The following SOS2 variants were observed in gnomAD, a reference collection of about 807,000 sequenced individuals.
The protein encoded by SOS2 is son of sevenless homolog 2.
A neutral mutation model predicts 148.2 loss-of-function variants in SOS2; 65 were observed. The observed-to-expected ratio is 0.44, with a 90% CI of 0.36 to 0.54. SOS2 has a LOEUF of 0.54. Ranked by LOEUF, SOS2 falls within the 20% of genes least tolerant of loss-of-function variation. SOS2 has a pLI of 0.00. For missense variants in SOS2, 1,341 were observed against 1,590.2 expected (o/e 0.84, Z 2.67); for synonymous variants, 539 against 537.1 (o/e 1.00, Z -0.05).
chr14:50,213,419 C>T (rs10142902), intron 1 of SOS2, among the ~76,000 whole-genome samples: 91,753 of 151,982 alleles, frequency 0.6, 28,516 homozygotes, highest in Non-Finnish European at 0.69. Context: ...ATTTATAGGC[C>T]GGGTGTGGTG....
intron 1 of SOS2, among the ~76,000 whole-genome samples, chr14:50,225,366 T>G (rs1887336909): frequency 6.6e-6 from 1 of 152,256 alleles, no homozygotes; most frequent in Non-Finnish European, 1.5e-5. Flanking sequence ...ATCAAATTAC[T>G]GTTCCCTTGA....
At position 50,150,089 on chromosome 14, in the gene SOS2, T is replaced by G; in HGVS notation, c.2303A>C (p.Gln768Pro). The G allele has an allele frequency of 1.2e-6, 2 of 1,614,016 alleles. No homozygotes were observed. Among genetic ancestry groups the G allele is most frequent in the South Asian group, 1.1e-5 (1 of 91,080 alleles). The stretch of plus-strand genomic sequence containing the variant: ...TGTCATGAGATCAAATGTTTCAAAC[T>G]GTCCTGGTTTGCTGATATGCCATTC... ...PIEWHISKPG[Q>P]FETFDLMTLH... The change falls in exon 14 of 23, where the codon CAG becomes CCG. Residue 768 changes from glutamine to proline, a missense_variant. By Grantham distance (76) the Gln-to-Pro change is moderately conservative. This residue lies in a region of SOS2 where 408 missense variants were observed against 506.6 expected (regional missense o/e 0.81). Transcript: ENST00000216373.
At chr14:50,198,400 A>G (rs1886382263) in intron 4 of SOS2, among the ~76,000 whole-genome samples, 1 of 152,232 alleles carries the variant, frequency 6.6e-6, no homozygotes. Flanking sequence ...AAATAGAGAT[A>G]ACAAGGAATT....
chr14:50,136,378 C>T (rs1884081023), intron 18 of SOS2, among the ~76,000 whole-genome samples: 1 of 152,166 alleles, frequency 6.6e-6, no homozygotes, highest in African/African-American at 2.4e-5. Context: ...GACCACACCA[C>T]AAACACCAAT....
Position 50,118,236 on chromosome 14 carries a change from A to T in SOS2, c.*108T>A. The stretch of plus-strand genomic sequence containing the variant: ...TTATTTGATCAGTAGCATTTTTGTA[A>T]GAGCATTATTTGTAAAAAGTACTAA... On this transcript the variant is annotated 3_prime_UTR_variant, in exon 23 of 23. Coordinates refer to ENST00000216373, the MANE Select transcript of SOS2 (RefSeq NM_006939.4). 1 of 907,566 alleles carries T rather than the reference A, an allele frequency of 1.1e-6. No individual in the cohort carries two copies. The highest frequency in any genetic ancestry group is 1.7e-6 in the Non-Finnish European group (1 of 603,638). 56.2% of individuals were successfully genotyped at this position (907,566 alleles called of 1,614,324 possible). A position where few individuals can be genotyped will look rare whatever the true frequency, so the allele number is the denominator to read the frequency against.
intron 1 of SOS2, among the ~76,000 whole-genome samples, chr14:50,230,189 A>C (rs142634058): frequency 3.7e-4 from 57 of 152,352 alleles, no homozygotes; most frequent in Middle Eastern, 6.8e-3. Context: ...TCATTTATAG[A>C]AATTTAATGT....
At chr14:50,187,907 T>C (rs957706163) in intron 5 of SOS2, among the ~76,000 whole-genome samples, 1 of 152,150 alleles carries the variant, frequency 6.6e-6, no homozygotes, top group Non-Finnish European at 1.5e-5. Flanking sequence ...TCCTAGACCA[T>C]ACATCTTTTT....
At chr14:50,184,856 C>T (rs1242085117) in intron 5 of SOS2, among the ~76,000 whole-genome samples, 1 of 128,798 alleles carries the variant, frequency 7.8e-6, no homozygotes, top group African/African-American at 3.0e-5. Flanking sequence ...AGAGCCAGAC[C>T]CTGTCTCCAA....
At chr14:50,179,565 A>T (rs184744403) in intron 7 of SOS2, among the ~76,000 whole-genome samples, 1 of 151,870 alleles carries the variant, frequency 6.6e-6, no homozygotes, top group Admixed American at 6.6e-5. Flanking sequence ...AGGTCTCCCT[A>T]TTTTGCCCAG....
chr14:50,128,419 T>TACAA (rs10649698), intron 21 of SOS2, among the ~76,000 whole-genome samples: 132,209 of 151,824 alleles, frequency 0.87, 57,650 homozygotes, highest in East Asian at 0.92. Flanking sequence ...TAAACAAACA[T>TACAA]ACAAACAAAC....
chr14:50,181,823 C>T lies in SOS2; in HGVS notation c.858+640G>A, dbSNP rs544762992. ...ATATCTATTTTTCTGAATATTTTTA[C>T]AATGAGCTACATTATTTTTATAGTC... is the stretch of plus-strand genomic sequence containing the variant. On this transcript the variant is annotated intron_variant, in intron 6 of 22. Coordinates refer to ENST00000216373, the MANE Select transcript of SOS2 (RefSeq NM_006939.4). Among the ~76,000 whole-genome samples the T allele has an allele frequency of 9.9e-5, 15 of 151,950 alleles. No homozygotes were observed. The South Asian group carries it at 2.9e-3, about 29-fold the overall frequency.
chr14:50,126,493 T>C (rs1051183363), intron 21 of SOS2, among the ~76,000 whole-genome samples: 1 of 151,978 alleles, frequency 6.6e-6, no homozygotes, highest in Non-Finnish European at 1.5e-5. Context: ...TATCTGTCGA[T>C]TAAAAATAAA....
intron 14 of SOS2, among the ~76,000 whole-genome samples, chr14:50,149,780 A>C (rs960739094): frequency 7.2e-5 from 11 of 152,120 alleles, no homozygotes; most frequent in African/African-American, 2.7e-4. Flanking sequence ...TGGACTTGAA[A>C]ATCTTCCTGC....
chr14:50,220,820 A>G (rs764115812), intron 1 of SOS2, among the ~76,000 whole-genome samples: 4 of 152,232 alleles, frequency 2.6e-5, no homozygotes, highest in Non-Finnish European at 5.9e-5. Flanking sequence ...TAGCTGAAGC[A>G]AAAATTTTTG....
chr14:50,148,896 G>A (rs1884577056), intron 14 of SOS2, among the ~76,000 whole-genome samples: 1 of 152,072 alleles, frequency 6.6e-6, no homozygotes, highest in African/African-American at 2.4e-5. Context: ...ATAACTCCAT[G>A]AAAATATTTT....
At chr14:50,125,190 G>GA (rs1883644208) in intron 21 of SOS2, among the ~76,000 whole-genome samples, 1 of 152,140 alleles carries the variant, frequency 6.6e-6, no homozygotes, top group Non-Finnish European at 1.5e-5. Flanking sequence ...AAGAAATAAA[G>GA]AAACATACCG....
Position 50,120,221 on chromosome 14 carries a change from T to C in SOS2, c.3489+54A>G, listed in dbSNP as rs917789307. 1.7e-5 allele frequency: 14 copies of C among 818,698 alleles called. No homozygotes were observed. In the Admixed American group the frequency reaches 2.5e-4, roughly 15 times the overall value. 50.7% of individuals were successfully genotyped at this position (818,698 alleles called of 1,614,324 possible). ...CACAGACTCTTTATAACACTAGGCA[T>C]TATTTTGAAGATTCACAACTTTGAA... On this transcript the variant is annotated intron_variant, in intron 22 of 22. Transcript: ENST00000216373.
chr14:50,139,507 C>G (rs189809040), intron 17 of SOS2, among the ~76,000 whole-genome samples: 1 of 152,102 alleles, frequency 6.6e-6, no homozygotes, highest in Admixed American at 6.5e-5. Flanking sequence ...ATTATTTGGC[C>G]CAAAATACCA....
intron 1 of SOS2, among the ~76,000 whole-genome samples, chr14:50,216,386 G>A (rs536345049): frequency 1.1e-4 from 17 of 151,992 alleles, no homozygotes; most frequent in South Asian, 4.2e-4. Flanking sequence ...CGTGAGCCAC[G>A]ACACCCAGCC....
Sources: allele counts gnomAD v4.1 joint callset (sites outside exome capture counted in the v4.1 genomes callset), GRCh38; gene constraint gnomAD v4.1.1; regional missense constraint gnomAD v4.1.1; transcripts MANE v1.5; gene names NCBI Gene and HGNC (gene_info 2026-07-23, HGNC 2026-07-21).